The following TMEM163 variants were observed in gnomAD, a reference collection of about 807,000 sequenced individuals.
TMEM163 encodes the protein transmembrane protein 163.
Under a neutral mutation model 29.3 loss-of-function variants are expected in TMEM163, and 17 were observed. That is an observed-to-expected ratio of 0.58 (90% confidence interval 0.40 to 0.87). The LOEUF is 0.87. Ranked by LOEUF, TMEM163 falls within the 40% of genes least tolerant of loss-of-function variation. The pLI, the probability that TMEM163 is intolerant of heterozygous loss-of-function variation, is 0.00. For synonymous variants in TMEM163, 157 were observed against 160.6 expected (o/e 0.98, Z 0.17); for missense variants, 303 against 381.5 (o/e 0.79, Z 1.71).
At chr2:134,534,435 G>T (rs1680484820) in intron 4 of TMEM163, among the ~76,000 whole-genome samples, 1 of 152,114 alleles carries the variant, frequency 6.6e-6, no homozygotes, top group Admixed American at 6.6e-5. Context: ...AACCTGTCAT[G>T]GAAGTTCCTC....
At chr2:134,649,057 C>T (rs6721273) in intron 2 of TMEM163, among the ~76,000 whole-genome samples, 22,773 of 152,050 alleles carry the variant, frequency 0.15, 2,522 homozygotes, top group African/African-American at 0.31. Context: ...CTCAGACCTG[C>T]GACATATCAA....
intron 5 of TMEM163, among the ~76,000 whole-genome samples, chr2:134,489,351 G>A (rs894093445): frequency 1.2e-4 from 18 of 152,000 alleles, no homozygotes; most frequent in African/African-American, 3.4e-4. Flanking sequence ...AGGCTGAGGC[G>A]GGTGGATCAT....
At chr2:134,537,609 T>C (rs621341) in intron 4 of TMEM163, among the ~76,000 whole-genome samples, 112,390 of 152,172 alleles carry the variant, frequency 0.74, 43,725 homozygotes, top group East Asian at 0.99. Context: ...AACACCCAGT[T>C]CATAATAGAC....
At chr2:134,467,763 C>G (rs1686702835) in intron 5 of TMEM163, 1 of 152,230 alleles carries the variant, frequency 6.6e-6, no homozygotes, top group Non-Finnish European at 1.5e-5. Flanking sequence ...ATAGTGCTGT[C>G]ATCTCATGGT....
chr2:134,511,845 A>C (rs1679956239), intron 4 of TMEM163, among the ~76,000 whole-genome samples: 1 of 152,258 alleles, frequency 6.6e-6, no homozygotes, highest in South Asian at 2.1e-4. Context: ...TAGCTGCACC[A>C]ATTCCAATTT....
intron 2 of TMEM163, among the ~76,000 whole-genome samples, chr2:134,558,102 G>C (rs151227112): frequency 1.7e-4 from 26 of 152,284 alleles, no homozygotes; most frequent in Non-Finnish European, 2.8e-4. Context: ...AGGCTGCACT[G>C]TGAGTTCACA....
intron 5 of TMEM163, among the ~76,000 whole-genome samples, chr2:134,475,829 C>G (rs1406079724): frequency 2.6e-5 from 4 of 152,124 alleles, no homozygotes; most frequent in Non-Finnish European, 5.9e-5. Flanking sequence ...AAAGAAAACA[C>G]ATAATACCAA....
At chr2:134,522,542 C>T (rs541574003) in intron 4 of TMEM163, among the ~76,000 whole-genome samples, 16 of 152,324 alleles carry the variant, frequency 1.1e-4, no homozygotes, top group African/African-American at 3.1e-4. Flanking sequence ...GTCCCACAAC[C>T]AGAAATTAGG....
intron 2 of TMEM163, among the ~76,000 whole-genome samples, chr2:134,635,472 T>C (rs1683083155): frequency 6.6e-6 from 1 of 152,118 alleles, no homozygotes. Flanking sequence ...TATCTCAGAG[T>C]GACAAAATCT....
At chr2:134,655,527 T>C (rs1298559095) in intron 2 of TMEM163, among the ~76,000 whole-genome samples, 1 of 139,796 alleles carries the variant, frequency 7.2e-6, no homozygotes, top group Non-Finnish European at 1.5e-5. Context: ...TTTGATCGTC[T>C]GAAGCCTTCT....
intron 2 of TMEM163, among the ~76,000 whole-genome samples, chr2:134,655,726 G>C (rs879264394): frequency 7.1e-6 from 1 of 141,458 alleles, no homozygotes; most frequent in African/African-American, 2.9e-5. Context: ...ATGGGTTTTC[G>C]GTGCGGATGT....
At chr2:134,682,650 G>A (rs1236572148) in intron 2 of TMEM163, among the ~76,000 whole-genome samples, 2 of 152,182 alleles carry the variant, frequency 1.3e-5, no homozygotes, top group African/African-American at 4.8e-5. Context: ...ACCAAACACT[G>A]ATGAATAGGT....
rs1196095782 is a variant in TMEM163 at position 134,632,158 on chromosome 2, A to T, written c.323-80067T>A. Among the ~76,000 whole-genome samples the T allele has an allele frequency of 3.3e-5, 5 of 152,218 alleles. No homozygotes were observed. The East Asian group carries it at 9.6e-4, about 29-fold the overall frequency. On this transcript the variant is annotated intron_variant, in intron 2 of 7. Coordinates refer to ENST00000281924, the MANE Select transcript of TMEM163 (RefSeq NM_030923.5). Reference sequence around the variant, plus strand: ...TCCAGAAAGAAGTGATAATACCATGAAGGTGGGAAGCAAGGAACCACAGAT... The same window carrying T: ...TCCAGAAAGAAGTGATAATACCATGTAGGTGGGAAGCAAGGAACCACAGAT...
chr2:134,467,456 CG>C (rs1475483174), intron 5 of TMEM163: 2 of 152,204 alleles, frequency 1.3e-5, no homozygotes, highest in African/African-American at 4.8e-5. Context: ...GCCCCTGATA[CG>C]ATGTGACAAG....
intron 2 of TMEM163, among the ~76,000 whole-genome samples, chr2:134,712,165 T>C (rs555257634): frequency 7.2e-5 from 11 of 152,250 alleles, no homozygotes; most frequent in Non-Finnish European, 1.5e-4. Flanking sequence ...AGATGTGGTA[T>C]AGTGTTTCCA....
chr2:134,660,434 G>A lies in TMEM163; in HGVS notation c.322+52766C>T, dbSNP rs567582862. Among the ~76,000 whole-genome samples, 13 of 152,236 alleles carry A rather than the reference G, an allele frequency of 8.5e-5. No homozygotes were observed. In the South Asian group the frequency reaches 2.7e-3, roughly 32 times the overall value. On this transcript the variant is annotated intron_variant, in intron 2 of 7. Coordinates refer to ENST00000281924, the MANE Select transcript of TMEM163 (RefSeq NM_030923.5). Reference sequence around the variant, plus strand: ...GGCATATTTTGGATGATTACTAACAGAACTCACAAATGGACTGGATACAGG... The same window carrying A: ...GGCATATTTTGGATGATTACTAACAAAACTCACAAATGGACTGGATACAGG...
chr2:134,675,490 C>T (rs942540682), intron 2 of TMEM163, among the ~76,000 whole-genome samples: 17 of 152,054 alleles, frequency 1.1e-4, no homozygotes, highest in Non-Finnish European at 1.8e-4. Flanking sequence ...AAGTAACACA[C>T]GGGAACAGCA....
At chr2:134,458,452 G>A (rs537261069) in intron 6 of TMEM163, 22 of 405,582 alleles carry the variant, frequency 5.4e-5, no homozygotes, top group African/African-American at 1.0e-4. Flanking sequence ...GGTCTCGCCC[G>A]TGCCCGCTAG....
At chr2:134,597,881 G>A (rs1251281600) in intron 2 of TMEM163, among the ~76,000 whole-genome samples, 1 of 152,156 alleles carries the variant, frequency 6.6e-6, no homozygotes, top group African/African-American at 2.4e-5. Flanking sequence ...ATTTCTTCTA[G>A]ATTTTCTAGT....
Sources: allele counts gnomAD v4.1 joint callset (sites outside exome capture counted in the v4.1 genomes callset), GRCh38; gene constraint gnomAD v4.1.1; transcripts MANE v1.5; gene names NCBI Gene and HGNC (gene_info 2026-07-23, HGNC 2026-07-21).